The following SLC6A3 variants were observed in gnomAD, a reference collection of about 807,000 sequenced individuals.
SLC6A3 encodes sodium-dependent dopamine transporter.
In SLC6A3, 19 loss-of-function variants were observed where a neutral mutation model predicts 70.4. The observed-to-expected ratio is 0.27, with a 90% CI of 0.19 to 0.40. The LOEUF is 0.40. Among genes scored for constraint, SLC6A3 ranks in the 10% least tolerant of loss-of-function variants. The probability of loss-of-function intolerance (pLI) is 1.00; values close to 1 mark genes in which losing one functional copy is unlikely to be tolerated. For synonymous variants in SLC6A3, 368 were observed against 356.6 expected, an observed-to-expected ratio of 1.03 and a Z score of -0.36; for missense variants, 613 against 838.5, an observed-to-expected ratio of 0.73 and a Z score of 3.32.
chr5:1,416,554 C>T (rs1315933337), intron 6 of SLC6A3: 1 of 348,320 alleles, frequency 2.9e-6, no homozygotes, highest in Non-Finnish European at 5.4e-6. Context: ...ATCCTAATAA[C>T]CCTCGGAACA....
rs28363080 is a variant in SLC6A3 at position 1,413,684 on chromosome 5, G to A, written c.1156+1007C>T. On this transcript the variant is annotated intron_variant, in intron 8 of 14. Coordinates refer to ENST00000270349, the MANE Select transcript of SLC6A3 (RefSeq NM_001044.5). This position sits in a 1 kb window ranked among gnomAD's most constrained non-coding sequence, Gnocchi z 7.1. Reference sequence around the variant, plus strand: ...CCCAACCCAGGCCCGTGTCTGGAGCGAAAGGGCCTCCTCCACATCCATGTG... The same window carrying A: ...CCCAACCCAGGCCCGTGTCTGGAGCAAAAGGGCCTCCTCCACATCCATGTG... 0.022 allele frequency among the ~76,000 whole-genome samples: 3,422 copies of A among 152,242 alleles called. 138 individuals are homozygous for A. The highest frequency in any genetic ancestry group is 0.077 in the African/African-American group (3,188 of 41,528).
chr5:1,396,376 C>T lies in SLC6A3; in HGVS notation c.1840-1618G>A, dbSNP rs1405334872. On this transcript the variant is annotated intron_variant, in intron 14 of 14. Transcript: ENST00000270349. This position sits in a 1 kb window ranked among gnomAD's most constrained non-coding sequence, Gnocchi z 7.0. Reference sequence around the variant, plus strand: ...ACCTTCCAGACCATGGACACCAGACCGTAAGGGTCAGTGGTCCCTGAGGGA... The same window carrying T: ...ACCTTCCAGACCATGGACACCAGACTGTAAGGGTCAGTGGTCCCTGAGGGA... 2.0e-5 allele frequency among the ~76,000 whole-genome samples: 3 copies of T among 152,202 alleles called. No individual in the cohort carries two copies. The highest frequency in any genetic ancestry group is 2.9e-5 in the Non-Finnish European group (2 of 68,038).
rs368985119 is a variant in SLC6A3 at position 1,442,710 on chromosome 5, G to T, written c.286+202C>A. 5.1e-4 allele frequency among the ~76,000 whole-genome samples: 78 copies of T among 151,898 alleles called. 1 individual carries two copies. The highest frequency in any genetic ancestry group is 1.6e-3 in the African/African-American group (68 of 41,382). ...CTTTCCTAAACTCTGAAATGCAGGC[G>T]TGGGACAAGGCAGCTCCGAGTCCTG... On this transcript the variant is annotated intron_variant, in intron 2 of 14. Coordinates refer to ENST00000270349, the MANE Select transcript of SLC6A3 (RefSeq NM_001044.5). This position sits in a 1 kb window ranked among gnomAD's most constrained non-coding sequence, Gnocchi z 5.0.
intron 7 of SLC6A3, among the ~76,000 whole-genome samples, chr5:1,415,582 T>C (rs958690892): frequency 6.6e-6 from 1 of 152,138 alleles, no homozygotes; most frequent in African/African-American, 2.4e-5. Context: ...CACAAGTCCA[T>C]AAAGGTCAAA....
chr5:1,416,242 C>A (rs750185311), intron 6 of SLC6A3, 41 bp from the exon 7 acceptor site: 1 of 1,503,258 alleles, frequency 6.7e-7, no homozygotes, highest in Non-Finnish European at 9.2e-7. Flanking sequence ...CCCAGGAGAA[C>A]GCAGGCCACA....
rs765006298 is a variant in SLC6A3, at chr5:1,421,891, C to T, written c.777G>A (p.Val259=). 3 of 1,613,314 alleles carry T rather than the reference C, an allele frequency of 1.9e-6. No homozygotes were observed. Among genetic ancestry groups the T allele is most frequent in the Non-Finnish European group, 2.5e-6 (3 of 1,180,036 alleles). The change falls in exon 5 of 15, where the codon GTG becomes GTA. Residue 259 remains valine, a synonymous_variant. Transcript: ENST00000270349. The surrounding 1 kb of genome is among the most constrained non-coding windows in gnomAD (Gnocchi z 7.2). ...CGAGCCTCACCTTCCCTGAGGTCTTCACGCCCTTCCAGAGGCTGAAGTAGA... is the reference window on the plus strand; with the variant it reads ...CGAGCCTCACCTTCCCTGAGGTCTTTACGCCCTTCCAGAGGCTGAAGTAGA... ...VLLYFSLWKG[V]KTSGKVVWIT... is the part of the protein sequence containing the mutation.
At chr5:1,409,169 C>T in intron 10 of SLC6A3, 44 bp from the exon 11 acceptor site, 2 of 1,391,140 alleles carry the variant, frequency 1.4e-6, no homozygotes, top group Non-Finnish European at 2.0e-6. Context: ...GGGCTTTCCC[C>T]AGAGGTAAAC....
In SLC6A3 at chr5:1,393,344, G is replaced by C. The variant is rs1560901300; in HGVS notation, c.*1391C>G. 6.6e-6 allele frequency: 1 copy of C among 152,410 alleles called. No homozygotes were observed. The highest frequency in any genetic ancestry group is 6.5e-5 in the Admixed American group (1 of 15,292). The allele number at this position is 152,410 out of a possible 1,614,324, so 9.4% of individuals were successfully genotyped here. ...GCTTTTGGCCAACATCCTTCACTCAGTATTGCTAATTATTCTTGTAAACAA... is the reference window on the plus strand; with the variant it reads ...GCTTTTGGCCAACATCCTTCACTCACTATTGCTAATTATTCTTGTAAACAA... On this transcript the variant is annotated 3_prime_UTR_variant, in exon 15 of 15. Coordinates refer to ENST00000270349, the MANE Select transcript of SLC6A3 (RefSeq NM_001044.5).
chr5:1,409,870 C>G lies in SLC6A3; in HGVS notation c.1270-21G>C, dbSNP rs8179029. ...CCCATCTGCACACAGAGCACAGGGT[C>G]GGGCTGCAGGCTGGCGGCGCTCCTG... On this transcript the variant is annotated intron_variant, in intron 9 of 14. Coordinates refer to ENST00000270349, the MANE Select transcript of SLC6A3 (RefSeq NM_001044.5). The G allele has an allele frequency of 5.0e-6, 8 of 1,612,526 alleles. No homozygotes were observed. In the African/African-American group the frequency reaches 8.0e-5, roughly 16 times the overall value.
At position 1,402,790 on chromosome 5, in the gene SLC6A3, G is replaced by C. The variant is rs2126323727; in HGVS notation, c.1767+132C>G. The C allele has an allele frequency of 2.2e-6, 2 of 899,320 alleles. No homozygotes were observed. Among genetic ancestry groups the C allele is most frequent in the East Asian group, 5.2e-5 (2 of 38,106 alleles). The allele number at this position is 899,320 out of a possible 1,614,324, so 55.7% of individuals were successfully genotyped here. ...CACACGCACACACACACACAGTGTT[G>C]TGGTGGCCACCTCCAGTCTCCTCCT... On this transcript the variant is annotated intron_variant, in intron 13 of 14. Coordinates refer to ENST00000270349, the MANE Select transcript of SLC6A3 (RefSeq NM_001044.5). This position sits in a 1 kb window ranked among gnomAD's most constrained non-coding sequence, Gnocchi z 8.5.
In SLC6A3 at chr5:1,420,720, T is replaced by C. The variant is rs1203287997; in HGVS notation, c.793-17A>G. ...CCATACCACCTGCAGGAGAGGACAG[T>C]GTCACCAGGCTGCACAGGCAGGGCC... On this transcript the variant is annotated splice_polypyrimidine_tract_variant and intron_variant, in intron 5 of 14. Transcript: ENST00000270349. 6.2e-7 allele frequency: 1 copy of C among 1,612,654 alleles called. No individual in the cohort carries two copies. The highest frequency in any genetic ancestry group is 2.2e-5 in the East Asian group (1 of 44,888).
chr5:1,407,425 C>T (rs1756010123), intron 11 of SLC6A3, among the ~76,000 whole-genome samples: 1 of 152,244 alleles, frequency 6.6e-6, no homozygotes, highest in Non-Finnish European at 1.5e-5. Flanking sequence ...CAGACCCTGC[C>T]TCCCACCAGC....
chr5:1,421,837 C>T lies in SLC6A3; in HGVS notation c.792+39G>A. 2 of 1,610,678 alleles carry T rather than the reference C, an allele frequency of 1.2e-6. No individual in the cohort carries two copies. The highest frequency in any genetic ancestry group is 1.7e-6 in the Non-Finnish European group (2 of 1,178,150). ...ACGGCCACATGTCCACTTGGTGGCC[C>T]CATGTCTACAGGCCCAATTGGTGAC... On this transcript the variant is annotated intron_variant, in intron 5 of 14. Coordinates refer to ENST00000270349, the MANE Select transcript of SLC6A3 (RefSeq NM_001044.5). This position sits in a 1 kb window ranked among gnomAD's most constrained non-coding sequence, Gnocchi z 7.2.
intron 5 of SLC6A3, among the ~76,000 whole-genome samples, chr5:1,420,939 A>C (rs1756420592): frequency 6.6e-6 from 1 of 152,228 alleles, no homozygotes; most frequent in Non-Finnish European, 1.5e-5. Context: ...TGGCAGGGAA[A>C]GCACATTCCT....
In SLC6A3 at chr5:1,420,638, G is replaced by A; in HGVS notation, c.858C>T (p.Thr286=). The A allele has an allele frequency of 4.3e-6, 7 of 1,613,702 alleles. No homozygotes were observed. The highest frequency in any genetic ancestry group is 5.9e-6 in the Non-Finnish European group (7 of 1,180,008). ...TGATGCCGTCTATGGCTCCAGGGAGGGTGACCCCACGCAGGAGCAGGGCAG... is the reference window on the plus strand; with the variant it reads ...TGATGCCGTCTATGGCTCCAGGGAGAGTGACCCCACGCAGGAGCAGGGCAG... The part of the protein sequence containing the change: ...VLTALLLRGV[T]LPGAIDGIRA... Residue 286 remains threonine, a synonymous_variant, in exon 6 of 15, where the codon ACC becomes ACT. Coordinates refer to ENST00000270349, the MANE Select transcript of SLC6A3 (RefSeq NM_001044.5).
In SLC6A3 at chr5:1,414,703, C is replaced by T. The variant is rs1431359180; in HGVS notation, c.1144G>A (p.Val382Met). The change falls in exon 8 of 15, where the codon GTG (valine) becomes ATG (methionine). Residue 382 changes from valine to methionine, a missense_variant. Physicochemically the swap from Val to Met is conservative, Grantham distance 21. Transcript: ENST00000270349. Reference protein sequence around the residue: ...AQKHSVPIGDVAKDGPGLIFI... With the variant: ...AQKHSVPIGDMAKDGPGLIFI... Reference sequence around the variant, plus strand: ...AGGAGGGGCTCACCGTCCTTGGCCACGTCCCCGATGGGCACACTGTGCTTC... The same window carrying T: ...AGGAGGGGCTCACCGTCCTTGGCCATGTCCCCGATGGGCACACTGTGCTTC... 8 of 1,612,364 alleles carry T rather than the reference C, an allele frequency of 5.0e-6. No homozygotes were observed. The highest frequency in any genetic ancestry group is 5.9e-6 in the Non-Finnish European group (7 of 1,179,786).
chr5:1,411,403 C>T lies in SLC6A3; in HGVS notation c.1157-48G>A. ...TGCCACAGAGCCCACGCTGTGCTCT[C>T]CCGCCCATCCTGCCCCACCCCGCCC... On this transcript the variant is annotated intron_variant, in intron 8 of 14. Transcript: ENST00000270349. This position sits in a 1 kb window ranked among gnomAD's most constrained non-coding sequence, Gnocchi z 6.5. 1 of 1,376,708 alleles carries T rather than the reference C, an allele frequency of 7.3e-7. No individual in the cohort carries two copies. The highest frequency in any genetic ancestry group is 2.5e-5 in the East Asian group (1 of 40,150). 85.3% of individuals were successfully genotyped at this position (1,376,708 alleles called of 1,614,324 possible). A position where few individuals can be genotyped will look rare whatever the true frequency, so the allele number is the denominator to read the frequency against.
chr5:1,414,165 C>T (rs755983590), intron 8 of SLC6A3, among the ~76,000 whole-genome samples: 32 of 152,082 alleles, frequency 2.1e-4, no homozygotes, highest in Non-Finnish European at 3.8e-4. Flanking sequence ...TGGAACAGCT[C>T]ATTCCTCCCC....
At chr5:1,429,400 T>C (rs1340705448) in intron 4 of SLC6A3, among the ~76,000 whole-genome samples, 2 of 152,230 alleles carry the variant, frequency 1.3e-5, no homozygotes, top group African/African-American at 2.4e-5. Flanking sequence ...CACGTGCCAG[T>C]GCGGACAGGG....
Sources: allele counts gnomAD v4.1 joint callset (sites outside exome capture counted in the v4.1 genomes callset), GRCh38; gene constraint gnomAD v4.1.1; non-coding constraint Gnocchi (gnomAD v3.1); transcripts MANE v1.5; gene names NCBI Gene and HGNC (gene_info 2026-07-23, HGNC 2026-07-21).